ADAMTSL1: variants seen among roughly 807,000 people sequenced by gnomAD.
ADAMTSL1 encodes the protein ADAMTS-like protein 1.
A neutral mutation model predicts 201.8 loss-of-function variants in ADAMTSL1; 126 were observed. The observed-to-expected ratio is 0.62, with a 90% CI of 0.54 to 0.72. ADAMTSL1 has a LOEUF of 0.72. Ranked by LOEUF, ADAMTSL1 falls within the 30% of genes least tolerant of loss-of-function variation. The probability of loss-of-function intolerance (pLI) is 0.00; values close to 1 mark genes in which losing one functional copy is unlikely to be tolerated. For synonymous variants in ADAMTSL1, 1,121 were observed against 903.4 expected (o/e 1.24, Z -4.32); for missense variants, 2,679 against 2,277.8 (o/e 1.18, Z -3.59).
At chr9:18,739,487 A>C (rs1186460777) in intron 15 of ADAMTSL1, among the ~76,000 whole-genome samples, 1 of 152,212 alleles carries the variant, frequency 6.6e-6, no homozygotes, top group African/African-American at 2.4e-5. Context: ...AAAACAAATG[A>C]GGGATTTAAT....
intron 15 of ADAMTSL1, among the ~76,000 whole-genome samples, chr9:18,734,435 G>C (rs532622424): frequency 6.6e-6 from 1 of 152,236 alleles, no homozygotes; most frequent in Admixed American, 6.5e-5. Flanking sequence ...CTAATCCTTG[G>C]GAGGGTGGGC....
At chr9:18,047,609 G>T (rs1209693584) in intron 1 of ADAMTSL1, among the ~76,000 whole-genome samples, 2 of 152,204 alleles carry the variant, frequency 1.3e-5, no homozygotes, top group South Asian at 2.1e-4. Flanking sequence ...TGATGCTGAG[G>T]TCTTGGGGGT....
Position 18,119,732 on chromosome 9 carries a change from G to A in ADAMTSL1, c.88-44130G>A, listed in dbSNP as rs2131913480. Reference sequence around the variant, plus strand: ...GAATTAGGAGAGTATACAGTAATAAGGTTGCCAGGCGTGGAGGTCAGGGTG... The same window carrying A: ...GAATTAGGAGAGTATACAGTAATAAAGTTGCCAGGCGTGGAGGTCAGGGTG... On this transcript the variant is annotated intron_variant, in intron 1 of 29. Transcript: ENST00000680146. Among the ~76,000 whole-genome samples the A allele has an allele frequency of 1.3e-5, 2 of 152,234 alleles. 1 individual carries two copies. Among genetic ancestry groups the A allele is most frequent in the South Asian group, 4.2e-4 (2 of 4,816 alleles).
intron 2 of ADAMTSL1, among the ~76,000 whole-genome samples, chr9:18,322,634 TCAA>T (rs541232065): frequency 3.3e-5 from 5 of 151,798 alleles, no homozygotes; most frequent in African/African-American, 4.8e-5. Context: ...AAACCCTGTC[TCAA>T]CAACAACAAC....
chr9:18,866,916 G>A (rs191016500), intron 23 of ADAMTSL1, among the ~76,000 whole-genome samples: 3 of 152,300 alleles, frequency 2.0e-5, no homozygotes, highest in Admixed American at 2.0e-4. Flanking sequence ...AGGCCAGGAT[G>A]GCTTGCTGTA....
intron 2 of ADAMTSL1, among the ~76,000 whole-genome samples, chr9:18,207,886 A>G (rs530256338): frequency 1.1e-3 from 170 of 152,222 alleles, no homozygotes; most frequent in Non-Finnish European, 2.1e-3. Context: ...CTAAAAAAAA[A>G]CAAGATAGAA....
At chr9:18,171,312 G>T (rs1027796049) in intron 2 of ADAMTSL1, among the ~76,000 whole-genome samples, 4 of 151,940 alleles carry the variant, frequency 2.6e-5, no homozygotes, top group Non-Finnish European at 4.4e-5. Context: ...CATATTAAAA[G>T]TTTAAATGTG....
At chr9:17,973,075 G>T in intron 1 of ADAMTSL1, among the ~76,000 whole-genome samples, 1 of 26,264 alleles carries the variant, frequency 3.8e-5, no homozygotes, top group Non-Finnish European at 1.0e-4. Flanking sequence ...CCCTTTGTCA[G>T]ATGAGTAGGT....
intron 2 of ADAMTSL1, among the ~76,000 whole-genome samples, chr9:18,514,262 G>A (rs977705369): frequency 6.8e-6 from 1 of 147,908 alleles, no homozygotes. Flanking sequence ...AAATGAGACT[G>A]TTCTCTTAAT....
rs201861467 is a variant in ADAMTSL1, at chr9:17,909,462, G to A, written c.87+2540G>A. Among the ~76,000 whole-genome samples the A allele has an allele frequency of 1.1e-3, 134 of 125,310 alleles. 4 individuals carry two copies. The South Asian group carries it at 0.013, about 12-fold the overall frequency. The allele number at this position is 125,310 out of a possible 152,430, so 82.2% of individuals were successfully genotyped here. A position where few individuals can be genotyped will look rare whatever the true frequency, so the allele number is the denominator to read the frequency against. ...GGGTTTTTATGGTTTTAGGTCTAAC[G>A]TTTAAGTCTTTAATCATCTTGAATT... On this transcript the variant is annotated intron_variant, in intron 1 of 29. Coordinates refer to the ADAMTSL1 transcript ENST00000680146.
intron 1 of ADAMTSL1, among the ~76,000 whole-genome samples, chr9:18,503,708 C>CT: frequency 6.6e-6 from 1 of 152,188 alleles, no homozygotes; most frequent in South Asian, 2.1e-4. Flanking sequence ...AATCACTGTG[C>CT]TATCTCATCT....
chr9:18,108,945 C>T (rs1188491687), intron 1 of ADAMTSL1, among the ~76,000 whole-genome samples: 1 of 151,848 alleles, frequency 6.6e-6, no homozygotes, highest in Non-Finnish European at 1.5e-5. Context: ...TATTGTTGTC[C>T]CTGATCGTGG....
chr9:18,811,703 A>G (rs1255103326), intron 20 of ADAMTSL1, among the ~76,000 whole-genome samples: 3 of 152,186 alleles, frequency 2.0e-5, no homozygotes, highest in Admixed American at 1.3e-4. Context: ...AGACATCATG[A>G]AAAAACCCAC....
chr9:18,616,690 C>G (rs1825720908), intron 4 of ADAMTSL1, among the ~76,000 whole-genome samples: 1 of 148,522 alleles, frequency 6.7e-6, no homozygotes, highest in African/African-American at 2.6e-5. Flanking sequence ...CCACATCTAG[C>G]AACTGTACAG....
At chr9:18,341,329 T>A (rs1407440128) in intron 2 of ADAMTSL1, among the ~76,000 whole-genome samples, 1 of 152,176 alleles carries the variant, frequency 6.6e-6, no homozygotes, top group East Asian at 1.9e-4. Context: ...TGGGCTTTTG[T>A]TATGCTGTTC....
intron 1 of ADAMTSL1, among the ~76,000 whole-genome samples, chr9:18,129,491 G>A (rs1028858904): frequency 1.3e-5 from 2 of 152,094 alleles, no homozygotes; most frequent in Admixed American, 1.3e-4. Flanking sequence ...CCTCACTTTA[G>A]TTCTTTCCTA....
At chr9:18,391,816 TTTTC>T (rs1353184522) in intron 2 of ADAMTSL1, among the ~76,000 whole-genome samples, 6 of 134,172 alleles carry the variant, frequency 4.5e-5, no homozygotes, top group African/African-American at 1.6e-4. Context: ...TTTTTCTTTC[TTTTC>T]TTTCTTTTTT....
At chr9:18,164,792 T>G (rs1485683101) in intron 2 of ADAMTSL1, among the ~76,000 whole-genome samples, 1 of 151,912 alleles carries the variant, frequency 6.6e-6, no homozygotes, top group Non-Finnish European at 1.5e-5. Context: ...CTACCTTCTG[T>G]ACCCTAACTC....
chr9:18,639,050 G>C (rs1827277259), intron 6 of ADAMTSL1, among the ~76,000 whole-genome samples: 1 of 152,100 alleles, frequency 6.6e-6, no homozygotes, highest in Non-Finnish European at 1.5e-5. Flanking sequence ...AATGACTTTT[G>C]AAATAATTTC....
Sources: gnomAD v4.1 joint callset for allele counts (sites outside exome capture counted in the v4.1 genomes callset) on GRCh38, gnomAD v4.1.1 for gene constraint, MANE v1.5 for transcripts, NCBI Gene and HGNC (gene_info 2026-07-23, HGNC 2026-07-21) for gene names.